Variants in COL4A3 observed in about 807,000 individuals in gnomAD.
COL4A3 encodes collagen type IV alpha 3 chain.
In COL4A3, 135 loss-of-function variants were observed where a neutral mutation model predicts 217.4. The observed-to-expected ratio is 0.62, with a 90% CI of 0.54 to 0.72. COL4A3 has a LOEUF of 0.72. Among genes scored for constraint, COL4A3 ranks in the 30% least tolerant of loss-of-function variants. COL4A3 has a pLI of 0.00. For missense variants in COL4A3, 1,868 were observed against 2,119.9 expected, an observed-to-expected ratio of 0.88 and a Z score of 2.33; for synonymous variants, 690 against 736.3, an observed-to-expected ratio of 0.94 and a Z score of 1.02.
At position 227,245,966 on chromosome 2, in the gene COL4A3, A is replaced by G; in HGVS notation, c.337A>G (p.Asn113Asp). 6.2e-7 allele frequency: 1 copy of G among 1,613,966 alleles called. No homozygotes were observed. The highest frequency in any genetic ancestry group is 1.1e-5 in the South Asian group (1 of 91,082). ...GSPGLPGTPG[N>D]TGPYGLVGVP... ...GTTCTTCTTCCAGGGCACCCCAGGC[A>G]ATACCGGGCCTTACGGACTTGTCGG... Residue 113 changes from asparagine (N) to aspartate (D), a missense_variant, in exon 6 of 52, where the codon AAT (asparagine) becomes GAT (aspartate). Asn to Asp is a conservative substitution (Grantham distance 23, BLOSUM62 1). Coordinates refer to ENST00000396578, the MANE Select transcript of COL4A3 (RefSeq NM_000091.5).
intron 1 of COL4A3, among the ~76,000 whole-genome samples, chr2:227,170,542 C>A (rs2065440448): frequency 6.6e-6 from 1 of 151,928 alleles, no homozygotes. Flanking sequence ...ATCTCATGAG[C>A]CTTATTCAGT....
chr2:227,274,662 C>A (rs1047058165), intron 26 of COL4A3, among the ~76,000 whole-genome samples: 9 of 152,040 alleles, frequency 5.9e-5, no homozygotes, highest in Admixed American at 5.9e-4. Flanking sequence ...CCATGCCAGG[C>A]GAATTTTTAT....
At chr2:227,217,962 T>C (rs1029813331) in intron 1 of COL4A3, among the ~76,000 whole-genome samples, 1 of 148,670 alleles carries the variant, frequency 6.7e-6, no homozygotes, top group African/African-American at 2.4e-5. Context: ...ACTCTCAGCA[T>C]TGCTTTAAGA....
At chr2:227,189,299 G>T (rs1449525726) in intron 1 of COL4A3, among the ~76,000 whole-genome samples, 4 of 152,172 alleles carry the variant, frequency 2.6e-5, no homozygotes, top group Admixed American at 1.3e-4. Flanking sequence ...TGGTTGTGGT[G>T]TGGGAAATGG....
chr2:227,206,183 C>T (rs1020516331), intron 1 of COL4A3, among the ~76,000 whole-genome samples: 8 of 152,104 alleles, frequency 5.3e-5, no homozygotes, highest in Non-Finnish European at 7.4e-5. Flanking sequence ...AAGCAACTCT[C>T]CTCCCTCAGC....
At chr2:227,171,194 T>C (rs746231592) in intron 1 of COL4A3, among the ~76,000 whole-genome samples, 4 of 152,230 alleles carry the variant, frequency 2.6e-5, no homozygotes, top group Non-Finnish European at 1.5e-5. Flanking sequence ...TTCTTTTCCC[T>C]GAAAGAAACT....
At chr2:227,300,918 C>T (rs1283226192) in intron 43 of COL4A3, among the ~76,000 whole-genome samples, 1 of 152,006 alleles carries the variant, frequency 6.6e-6, no homozygotes, top group African/African-American at 2.4e-5. Context: ...AGGAAAGGAG[C>T]TTTCTGAGCA....
At chr2:227,196,849 A>G (rs975514372) in intron 1 of COL4A3, among the ~76,000 whole-genome samples, 6 of 152,172 alleles carry the variant, frequency 3.9e-5, no homozygotes, top group Admixed American at 1.3e-4. Flanking sequence ...GCCTAAGCGT[A>G]TAGTAGTAGG....
intron 41 of COL4A3, among the ~76,000 whole-genome samples, chr2:227,297,100 T>C (rs1461677768): frequency 6.6e-6 from 1 of 152,216 alleles, no homozygotes; most frequent in Non-Finnish European, 1.5e-5. Context: ...GTATTCCTAT[T>C]ATGGGGAATG....
rs1553750900 is a variant in COL4A3 at position 227,246,684 on chromosome 2, G to T, written c.388-1G>T. On this transcript the variant is annotated splice_acceptor_variant, in intron 6 of 51. Coordinates refer to ENST00000396578, the MANE Select transcript of COL4A3 (RefSeq NM_000091.5). LOFTEE classifies it high-confidence loss of function. ...AATAAGAAACTTTGTATGTCTTTTA[G>T]GGTGAGCAGGGGTTTCCAGGACTCC... 1 of 1,610,682 alleles carries T rather than the reference G, an allele frequency of 6.2e-7. No homozygotes were observed. Among genetic ancestry groups the T allele is most frequent in the Non-Finnish European group, 8.5e-7 (1 of 1,177,128 alleles).
chr2:227,186,109 C>G, intron 1 of COL4A3, among the ~76,000 whole-genome samples: 1 of 152,220 alleles, frequency 6.6e-6, no homozygotes, highest in Non-Finnish European at 1.5e-5. Context: ...GTCACGCCTT[C>G]TGTTTCTAAA....
chr2:227,212,409 T>A (rs1172265309), intron 1 of COL4A3, among the ~76,000 whole-genome samples: 1 of 152,228 alleles, frequency 6.6e-6, no homozygotes, highest in Non-Finnish European at 1.5e-5. Context: ...AAATTTTGGC[T>A]TTTCCATTTG....
At chr2:227,293,716 A>C (rs55782901) in intron 38 of COL4A3, 5,270 of 474,318 alleles carry the variant, frequency 0.011, 215 homozygotes, top group African/African-American at 0.09. Flanking sequence ...TAGGTGGCTT[A>C]AACTACAGAT....
chr2:227,195,496 G>T (rs2066429816), intron 1 of COL4A3, among the ~76,000 whole-genome samples: 1 of 152,086 alleles, frequency 6.6e-6, no homozygotes, highest in African/African-American at 2.4e-5. Context: ...TCCTGTTTAT[G>T]GTAATGCTAG....
chr2:227,283,970 G>A, intron 33 of COL4A3, 114 bp downstream of exon 33: 1 of 1,075,426 alleles, frequency 9.3e-7, no homozygotes. Flanking sequence ...GAGAGCAACA[G>A]TATTTGATTT....
rs142376694 is a variant in COL4A3 at position 227,295,020 on chromosome 2, C to A, written c.3475C>A (p.Arg1159Ser). 1 of 1,612,598 alleles carries A rather than the reference C, an allele frequency of 6.2e-7. No individual in the cohort carries two copies. Among genetic ancestry groups the A allele is most frequent in the African/African-American group, 1.3e-5 (1 of 74,524 alleles). ...GPMGIRGDQGRDGIPGPAGEK... is the reference protein window; with the variant it reads ...GPMGIRGDQGSDGIPGPAGEK... ...AATGGGTATAAGAGGTGACCAAGGA[C>A]GTGATGGAATTCCTGGTCCAGCCGG... Residue 1159 changes from arginine to serine, a missense_variant, in exon 40 of 52, where the codon CGT becomes AGT. By Grantham distance (110) the Arg-to-Ser change is moderately radical. This residue lies in a region of COL4A3 where 1,503 missense variants were observed against 1,786.1 expected (regional missense o/e 0.84). Coordinates refer to ENST00000396578, the MANE Select transcript of COL4A3 (RefSeq NM_000091.5).
intron 1 of COL4A3, among the ~76,000 whole-genome samples, chr2:227,199,284 CT>C (rs1227780305): frequency 6.6e-6 from 1 of 152,146 alleles, no homozygotes; most frequent in Non-Finnish European, 1.5e-5. Flanking sequence ...CATGAATTTC[CT>C]TGTCTATTTC....
In COL4A3 at chr2:227,253,989, C is replaced by T; in HGVS notation, c.766-123C>T. ...TGGAAGGTGTATTGGGTTGTGTTAA[C>T]ACGAGGCACATTCATAGTTTGTAAA... is the stretch of plus-strand genomic sequence containing the variant. On this transcript the variant is annotated intron_variant, in intron 13 of 51. Transcript: ENST00000396578. The surrounding 1 kb of genome is among the most constrained non-coding windows in gnomAD (Gnocchi z 4.4). The T allele has an allele frequency of 1.1e-6, 1 of 910,342 alleles. No homozygotes were observed. The highest frequency in any genetic ancestry group is 1.8e-6 in the Non-Finnish European group (1 of 550,638). The allele number at this position is 910,342 out of a possible 1,614,324, so 56.4% of individuals were successfully genotyped here. A position where few individuals can be genotyped will look rare whatever the true frequency, so the allele number is the denominator to read the frequency against.
intron 47 of COL4A3, among the ~76,000 whole-genome samples, chr2:227,306,208 T>C (rs917241300): frequency 7.9e-5 from 12 of 152,144 alleles, no homozygotes; most frequent in Non-Finnish European, 1.8e-4. Context: ...CACTGCAATA[T>C]AAATTTTGTA....
Sources: gnomAD v4.1 joint callset for allele counts (sites outside exome capture counted in the v4.1 genomes callset) on GRCh38, gnomAD v4.1.1 for gene constraint, gnomAD v4.1.1 regional missense constraint, Gnocchi (gnomAD v3.1) non-coding constraint, MANE v1.5 for transcripts, NCBI Gene and HGNC (gene_info 2026-07-23, HGNC 2026-07-21) for gene names.